Variants in SHISA9 observed in about 807,000 individuals in gnomAD.
SHISA9 encodes the protein shisa family member 9.
SHISA9 carries 13 observed loss-of-function variants against 38.0 expected under a neutral mutation model. The ratio of observed to expected loss-of-function variants is 0.34; its 90% CI spans 0.22 to 0.54. The LOEUF is 0.54. SHISA9 is among the 20% of genes least tolerant of loss of function. The pLI, the probability that SHISA9 is intolerant of heterozygous loss-of-function variation, is 0.91. For missense variants in SHISA9, 538 were observed against 575.8 expected, an observed-to-expected ratio of 0.93 and a Z score of 0.67; for synonymous variants, 275 against 242.0, an observed-to-expected ratio of 1.14 and a Z score of -1.27.
intron 2 of SHISA9, among the ~76,000 whole-genome samples, chr16:12,961,643 AAGG>A (rs1307102665): frequency 2.2e-4 from 34 of 152,180 alleles, no homozygotes; most frequent in Admixed American, 2.0e-3. Context: ...AAGGAGAAAG[AAGG>A]AGAACAGTGA....
In SHISA9 at chr16:12,979,034, C is replaced by T. The variant is rs149973138; in HGVS notation, c.691+62219C>T. Among the ~76,000 whole-genome samples the T allele has an allele frequency of 1.8e-3, 272 of 152,304 alleles. 5 individuals carry two copies. The South Asian group carries it at 0.028, about 16-fold the overall frequency. ...CAAATCCTCGTTATACACCTTGACT[C>T]ATCTCTCCTCCCAATCTCCACGTCT... On this transcript the variant is annotated intron_variant, in intron 2 of 4. Transcript: ENST00000558583.
chr16:13,320,292 C>CAAA, the SHISA9 span, among the ~76,000 whole-genome samples: 6,225 of 38,832 alleles, frequency 0.16, 1,650 homozygotes, highest in East Asian at 0.31. Flanking sequence ...GACTCTGTCT[C>CAAA]AAAAAAAAAA....
the SHISA9 span, among the ~76,000 whole-genome samples, chr16:13,257,040 A>G: frequency 6.6e-6 from 1 of 152,194 alleles, no homozygotes; most frequent in East Asian, 1.9e-4. Flanking sequence ...AACTTTAGAA[A>G]TTATGTCAGG....
chr16:12,972,041 T>TGTGTGTG (rs2072090710), intron 2 of SHISA9, among the ~76,000 whole-genome samples: 14 of 142,042 alleles, frequency 9.9e-5, no homozygotes, highest in South Asian at 2.4e-4. Flanking sequence ...CTCTTGGAGT[T>TGTGTGTG]TGTGTGTGTG....
chr16:13,232,154 C>A (rs188787091), intron 4 of SHISA9, among the ~76,000 whole-genome samples: 8 of 152,300 alleles, frequency 5.3e-5, no homozygotes, highest in African/African-American at 1.9e-4. Context: ...TGTAAGTTCA[C>A]ATGTGTGACA....
chr16:12,933,847 A>T (rs534815452), intron 2 of SHISA9, among the ~76,000 whole-genome samples: 6 of 152,282 alleles, frequency 3.9e-5, no homozygotes, highest in Admixed American at 2.0e-4. Flanking sequence ...ACGGGAGCCT[A>T]TGTTATAGTG....
At chr16:13,453,270 T>C in the SHISA9 span, among the ~76,000 whole-genome samples, 3 of 152,310 alleles carry the variant, frequency 2.0e-5, no homozygotes, top group East Asian at 1.9e-4. Context: ...AGGCTCCTTA[T>C]TGCAAACTTT....
chr16:13,484,790 A>G, the SHISA9 span, among the ~76,000 whole-genome samples: 2 of 152,092 alleles, frequency 1.3e-5, no homozygotes, highest in African/African-American at 4.8e-5. Context: ...AAGAGTTGCT[A>G]TACACTTTTA....
chr16:13,281,176 G>A, the SHISA9 span, among the ~76,000 whole-genome samples: 1 of 151,696 alleles, frequency 6.6e-6, no homozygotes, highest in African/African-American at 2.4e-5. Flanking sequence ...TACACAGAGC[G>A]ATTGCACAAC....
intron 2 of SHISA9, among the ~76,000 whole-genome samples, chr16:13,184,353 G>T (rs1349122580): frequency 6.6e-6 from 1 of 152,116 alleles, no homozygotes; most frequent in East Asian, 1.9e-4. Context: ...CCCATCTTAA[G>T]CTAATCCCAT....
At chr16:12,985,351 G>T (rs1444808791) in intron 2 of SHISA9, among the ~76,000 whole-genome samples, 4 of 152,142 alleles carry the variant, frequency 2.6e-5, no homozygotes, top group African/African-American at 9.7e-5. Context: ...GAATTTCTCT[G>T]TTACCACTTA....
the SHISA9 span, among the ~76,000 whole-genome samples, chr16:13,540,660 C>G: frequency 6.6e-6 from 1 of 152,116 alleles, no homozygotes; most frequent in South Asian, 2.1e-4. Flanking sequence ...TCTTCGGAAA[C>G]CAAGTTTGGG....
chr16:13,395,748 C>T, the SHISA9 span, among the ~76,000 whole-genome samples: 6 of 152,096 alleles, frequency 3.9e-5, no homozygotes, highest in African/African-American at 4.8e-5. Context: ...GCGAGGGAGT[C>T]GATAAATATT....
At chr16:13,549,560 A>C in the SHISA9 span, among the ~76,000 whole-genome samples, 3 of 152,186 alleles carry the variant, frequency 2.0e-5, no homozygotes, top group East Asian at 3.9e-4. Flanking sequence ...AGAAAAAAAA[A>C]CTCTAATAGT....
chr16:12,969,749 C>T (rs751033520), intron 2 of SHISA9, among the ~76,000 whole-genome samples: 4 of 152,168 alleles, frequency 2.6e-5, no homozygotes, highest in East Asian at 1.9e-4. Context: ...TCTATCCCCA[C>T]GCCCTCCCCA....
chr16:13,309,642 CA>C, the SHISA9 span, among the ~76,000 whole-genome samples: 14,466 of 65,898 alleles, frequency 0.22, 479 homozygotes, highest in South Asian at 0.32. Context: ...GACTCAGTCT[CA>C]AAAAAAAAAA....
chr16:13,080,502 C>G (rs1428455041), intron 2 of SHISA9, among the ~76,000 whole-genome samples: 1 of 152,086 alleles, frequency 6.6e-6, no homozygotes, highest in Non-Finnish European at 1.5e-5. Flanking sequence ...CTGTGTCTGC[C>G]CCTTCATGGG....
At chr16:13,358,296 G>T in the SHISA9 span, among the ~76,000 whole-genome samples, 1 of 152,168 alleles carries the variant, frequency 6.6e-6, no homozygotes, top group East Asian at 1.9e-4. Context: ...TGGGTTTTGA[G>T]TGAGATACCT....
At chr16:13,295,590 T>C in the SHISA9 span, among the ~76,000 whole-genome samples, 1 of 152,098 alleles carries the variant, frequency 6.6e-6, no homozygotes, top group African/African-American at 2.4e-5. Context: ...GGTTTGCATA[T>C]CAGGCTCGAA....
Sources: allele counts gnomAD v4.1 joint callset (sites outside exome capture counted in the v4.1 genomes callset), GRCh38; gene constraint gnomAD v4.1.1; transcripts MANE v1.5; gene names NCBI Gene and HGNC (gene_info 2026-07-23, HGNC 2026-07-21).